The following SH2D4A variants were observed in gnomAD, a reference collection of about 807,000 sequenced individuals.
SH2D4A encodes the protein SH2 domain-containing protein 4A.
In SH2D4A, 70 loss-of-function variants were observed where a neutral mutation model predicts 64.7. The ratio of observed to expected loss-of-function variants is 1.08; its 90% confidence interval spans 0.89 to 1.32. The LOEUF (loss-of-function observed/expected upper bound fraction) is 1.32. SH2D4A is among the 40% of genes most tolerant of loss of function. SH2D4A has a pLI of 0.00. For synonymous variants in SH2D4A, 268 were observed against 200.7 expected (o/e 1.34, Z -2.83); for missense variants, 706 against 540.1 (o/e 1.31, Z -3.04).
chr8:19,346,919 C>G (rs372703191), intron 4 of SH2D4A, among the ~76,000 whole-genome samples: 1 of 152,164 alleles, frequency 6.6e-6, no homozygotes, highest in South Asian at 2.1e-4. Flanking sequence ...CTTCGTCCTT[C>G]GCATTCTTCA....
At chr8:19,370,714 A>G (rs552044968) in intron 7 of SH2D4A, among the ~76,000 whole-genome samples, 200 of 152,192 alleles carry the variant, frequency 1.3e-3, no homozygotes, top group Non-Finnish European at 1.0e-3. Context: ...TTAATTGGAG[A>G]ATTTATCCAT....
chr8:19,361,014 A>G (rs1254774764), intron 5 of SH2D4A, 189 bp from the exon 6 acceptor site: 2 of 405,896 alleles, frequency 4.9e-6, no homozygotes, highest in Non-Finnish European at 8.9e-6. Flanking sequence ...CTAGCTAGCA[A>G]TGGTCAGTCT....
chr8:19,385,928 G>A (rs2053382882), intron 8 of SH2D4A, among the ~76,000 whole-genome samples: 1 of 152,190 alleles, frequency 6.6e-6, no homozygotes, highest in Non-Finnish European at 1.5e-5. Flanking sequence ...TCAAGCTTCT[G>A]TCTTCACTGA....
At chr8:19,344,728 C>G (rs750731498) in intron 4 of SH2D4A, among the ~76,000 whole-genome samples, 1 of 152,006 alleles carries the variant, frequency 6.6e-6, no homozygotes, top group Non-Finnish European at 1.5e-5. Context: ...ATAGGCCTGC[C>G]ACCCCTTATC....
chr8:19,314,043 CGG>C, intron 1 of SH2D4A: 1 of 1,042,108 alleles, frequency 9.6e-7, no homozygotes, highest in African/African-American at 1.7e-5. Flanking sequence ...GTCCGGTGTC[CGG>C]TGTCCGGTGT....
At chr8:19,341,871 G>A (rs1034980263) in intron 4 of SH2D4A, among the ~76,000 whole-genome samples, 2 of 149,508 alleles carry the variant, frequency 1.3e-5, no homozygotes, top group South Asian at 2.1e-4. Context: ...AGATCATCAC[G>A]AGAAACTGTG....
chr8:19,319,816 C>G, intron 2 of SH2D4A, 88 bp downstream of exon 2: 1 of 1,366,224 alleles, frequency 7.3e-7, no homozygotes, highest in Non-Finnish European at 9.7e-7. Context: ...ACAAGCAAAG[C>G]AGGTGCAAGT....
chr8:19,365,810 G>T (rs553516749), intron 7 of SH2D4A, among the ~76,000 whole-genome samples: 1 of 150,522 alleles, frequency 6.6e-6, no homozygotes, highest in Non-Finnish European at 1.5e-5. Flanking sequence ...AAGACAGACC[G>T]GCTCCTACAG....
In SH2D4A at chr8:19,386,791, TA is replaced by T. The variant is rs902798476; in HGVS notation, c.1049-6519del. Among the ~76,000 whole-genome samples the T allele has an allele frequency of 1.7e-3, 260 of 152,164 alleles. 2 individuals are homozygous for T. Among genetic ancestry groups the T allele is most frequent in the African/African-American group, 6.0e-3 (251 of 41,514 alleles). On this transcript the variant is annotated intron_variant, in intron 8 of 9. Coordinates refer to ENST00000265807, the MANE Select transcript of SH2D4A (RefSeq NM_022071.4). ...AACATTTGTTATCACATGCTTTTTT[TA>T]AAAAAAAGACAGGGTGTTGCTCTGT...
At position 19,394,567 on chromosome 8, in the gene SH2D4A, C is replaced by T. The variant is rs1176320538; in HGVS notation, c.1290C>T (p.Ser430=). ...ATTGACAGGAGGAACCCATCACTTC[C>T]CTGGGGAAGGAGCTCCTTCTCTATC... is the stretch of plus-strand genomic sequence containing the variant. ...VEYHKEEPIT[S]LGKELLLYPC... is the part of the protein sequence containing the mutation. Residue 430 remains serine, a synonymous_variant, in exon 10 of 10, where the codon TCC becomes TCT. Coordinates refer to ENST00000265807, the MANE Select transcript of SH2D4A (RefSeq NM_022071.4). 6 of 1,607,750 alleles carry T rather than the reference C, an allele frequency of 3.7e-6. No individual in the cohort carries two copies. In the East Asian group the frequency reaches 1.1e-4, roughly 30 times the overall value.
chr8:19,346,295 A>G (rs1245958783), intron 4 of SH2D4A, among the ~76,000 whole-genome samples: 6 of 152,196 alleles, frequency 3.9e-5, no homozygotes, highest in Admixed American at 6.5e-5. Flanking sequence ...GCAGCAGGCA[A>G]GCAAGCCAGC....
chr8:19,391,334 A>G (rs1322949308), intron 8 of SH2D4A, among the ~76,000 whole-genome samples: 3 of 152,090 alleles, frequency 2.0e-5, no homozygotes, highest in Non-Finnish European at 2.9e-5. Context: ...TCATGGGGAT[A>G]GTGGAGCATC....
At chr8:19,377,627 A>G (rs1200606262) in intron 8 of SH2D4A, among the ~76,000 whole-genome samples, 1 of 152,188 alleles carries the variant, frequency 6.6e-6, no homozygotes, top group East Asian at 1.9e-4. Flanking sequence ...TTATACACAT[A>G]GACAGGCTCA....
At chr8:19,389,923 A>G (rs1373129541) in intron 8 of SH2D4A, among the ~76,000 whole-genome samples, 1 of 152,136 alleles carries the variant, frequency 6.6e-6, no homozygotes, top group African/African-American at 2.4e-5. Context: ...AAATCCTCCT[A>G]TGACATCAGG....
chr8:19,393,284 G>T (rs2053523688), intron 8 of SH2D4A, 34 bp from the exon 9 acceptor site: 1 of 1,599,544 alleles, frequency 6.3e-7, no homozygotes, highest in Admixed American at 1.7e-5. Context: ...GAATGATTTG[G>T]CTGAAATACC....
At chr8:19,339,040 C>A (rs957851733) in intron 4 of SH2D4A, among the ~76,000 whole-genome samples, 21 of 152,226 alleles carry the variant, frequency 1.4e-4, no homozygotes, top group Non-Finnish European at 1.3e-4. Context: ...GGGAAGCCGA[C>A]AGTGCAGCCT....
At chr8:19,371,140 T>G (rs2053088490) in intron 7 of SH2D4A, among the ~76,000 whole-genome samples, 1 of 152,168 alleles carries the variant, frequency 6.6e-6, no homozygotes, top group African/African-American at 2.4e-5. Context: ...CTTCATATCT[T>G]TATATTAAAG....
At chr8:19,368,620 C>CTTTTTTTTTTTT (rs34764005) in intron 7 of SH2D4A, among the ~76,000 whole-genome samples, 18 of 136,320 alleles carry the variant, frequency 1.3e-4, no homozygotes, top group East Asian at 2.1e-4. Flanking sequence ...AATAAAATTG[C>CTTTTTTTTTTTT]TTTTTTTTTT....
intron 7 of SH2D4A, among the ~76,000 whole-genome samples, chr8:19,365,610 T>C (rs1462708937): frequency 6.6e-6 from 1 of 152,192 alleles, no homozygotes; most frequent in African/African-American, 2.4e-5. Flanking sequence ...TGAAGGACAG[T>C]ATATTTGATT....
Sources: allele counts gnomAD v4.1 joint callset (sites outside exome capture counted in the v4.1 genomes callset), GRCh38; gene constraint gnomAD v4.1.1; transcripts MANE v1.5; gene names NCBI Gene and HGNC (gene_info 2026-07-23, HGNC 2026-07-21).